The following GAREM1 variants were observed in gnomAD, a reference collection of about 807,000 sequenced individuals.
The protein encoded by GAREM1 is GRB2-associated and regulator of MAPK protein 1.
A neutral mutation model predicts 71.3 loss-of-function variants in GAREM1; 26 were observed. The ratio of observed to expected loss-of-function variants is 0.36; its 90% CI spans 0.27 to 0.51. The LOEUF is 0.51. GAREM1 is among the 20% of genes least tolerant of loss of function. GAREM1 has a pLI of 0.95. For synonymous variants in GAREM1, 440 were observed against 433.2 expected, an observed-to-expected ratio of 1.02 and a Z score of -0.20; for missense variants, 1,026 against 1,103.1, an observed-to-expected ratio of 0.93 and a Z score of 0.99.
rs951325399 is a variant in GAREM1, at chr18:32,265,796, A to T, written c.*2075T>A. 21 of 152,214 alleles carry T rather than the reference A, an allele frequency of 1.4e-4. No individual in the cohort carries two copies. The highest frequency in any genetic ancestry group is 1.4e-3 in the Admixed American group (21 of 15,274). The allele number at this position is 152,214 out of a possible 1,614,324, so 9.4% of individuals were successfully genotyped here. ...CTGTTCCTTCTTCCTGAGTTTGAGA[A>T]TTGTGTCCGAGTGCTAAGTATTTTA... On this transcript the variant is annotated 3_prime_UTR_variant, in exon 6 of 6. Coordinates refer to ENST00000269209, the MANE Select transcript of GAREM1 (RefSeq NM_001242409.2).
intron 5 of GAREM1, among the ~76,000 whole-genome samples, chr18:32,269,490 A>G (rs887786895): frequency 6.6e-6 from 1 of 152,184 alleles, no homozygotes; most frequent in Non-Finnish European, 1.5e-5. Context: ...TCGGGGAAAC[A>G]GTAGAGGGAC....
At chr18:32,336,885 GA>G (rs971523324) in intron 2 of GAREM1, among the ~76,000 whole-genome samples, 3 of 152,280 alleles carry the variant, frequency 2.0e-5, no homozygotes, top group African/African-American at 7.2e-5. Context: ...TTACCTTCCT[GA>G]CTTCACAGGT....
chr18:32,288,156 G>A lies in GAREM1; in HGVS notation c.441C>T (p.Thr147=). Residue 147 remains threonine, a synonymous_variant, in exon 4 of 6, where the codon ACC becomes ACT. Coordinates refer to ENST00000269209, the MANE Select transcript of GAREM1 (RefSeq NM_001242409.2). The stretch of plus-strand genomic sequence containing the variant: ...GAGTGAGTTCATCCCCAGTACACAG[G>A]GTGATGTTGTAAACTTCAGTGTCTT... The part of the protein sequence containing the change: ...CNEDTEVYNI[T]LCTGDELTLM... 6.2e-7 allele frequency: 1 copy of A among 1,613,430 alleles called. No individual in the cohort carries two copies.
intron 1 of GAREM1, among the ~76,000 whole-genome samples, chr18:32,458,692 C>T (rs2048921282): frequency 6.6e-6 from 1 of 151,536 alleles, no homozygotes; most frequent in Admixed American, 6.6e-5. Flanking sequence ...TCAGGAAATT[C>T]ACAAACAAAA....
rs2047302953 is a variant in GAREM1 at position 32,310,180 on chromosome 18, C to T, written c.393+13G>A. The T allele has an allele frequency of 6.2e-7, 1 of 1,613,174 alleles. No individual in the cohort carries two copies. The highest frequency in any genetic ancestry group is 8.5e-7 in the Non-Finnish European group (1 of 1,179,704). ...TAGTGAGTATAAATATTTGGTGCTT[C>T]AAGAGCTACTACCTTCACGTTGAAT... On this transcript the variant is annotated intron_variant, in intron 3 of 5. Transcript: ENST00000269209.
chr18:32,295,737 G>A (rs1262357768), intron 3 of GAREM1, among the ~76,000 whole-genome samples: 1 of 152,192 alleles, frequency 6.6e-6, no homozygotes, highest in East Asian at 1.9e-4. Context: ...CTCCGTAGGA[G>A]ACATTGTAAG....
chr18:32,389,897 G>T (rs2048179919), intron 2 of GAREM1, among the ~76,000 whole-genome samples: 1 of 152,154 alleles, frequency 6.6e-6, no homozygotes, highest in African/African-American at 2.4e-5. Context: ...CCCAGGCCAG[G>T]TATGATGGCT....
intron 2 of GAREM1, among the ~76,000 whole-genome samples, chr18:32,342,353 G>A (rs943256142): frequency 6.6e-6 from 1 of 152,028 alleles, no homozygotes; most frequent in Non-Finnish European, 1.5e-5. Flanking sequence ...CATCCTCCAC[G>A]CTGCTGCTGG....
At chr18:32,342,752 A>G (rs569980521) in intron 2 of GAREM1, among the ~76,000 whole-genome samples, 3 of 152,330 alleles carry the variant, frequency 2.0e-5, no homozygotes, top group Admixed American at 6.5e-5. Flanking sequence ...TACTATACAC[A>G]TCCAAATGTC....
At chr18:32,309,636 AAAAAAAAG>A (rs2047293799) in intron 3 of GAREM1, among the ~76,000 whole-genome samples, 1 of 150,098 alleles carries the variant, frequency 6.7e-6, no homozygotes, top group Non-Finnish European at 1.5e-5. Flanking sequence ...AAAAAAAAAA[AAAAAAAAG>A]AATGCAGAAC....
chr18:32,307,771 C>T (rs1028307873), intron 3 of GAREM1, among the ~76,000 whole-genome samples: 20 of 152,170 alleles, frequency 1.3e-4, no homozygotes, highest in African/African-American at 4.8e-4. Context: ...GATCCACCTG[C>T]CTCAGCCTCC....
chr18:32,458,612 A>G (rs984968133), intron 1 of GAREM1, among the ~76,000 whole-genome samples: 14 of 152,004 alleles, frequency 9.2e-5, no homozygotes, highest in Admixed American at 3.9e-4. Flanking sequence ...AACTAAGAGA[A>G]ATGTACAGGA....
intron 2 of GAREM1, among the ~76,000 whole-genome samples, chr18:32,339,323 C>T (rs547454980): frequency 2.0e-5 from 3 of 152,308 alleles, no homozygotes; most frequent in Admixed American, 6.5e-5. Flanking sequence ...GGAAGAAGCA[C>T]ACCTACCATG....
intron 2 of GAREM1, among the ~76,000 whole-genome samples, chr18:32,364,293 C>T (rs1289213138): frequency 6.6e-6 from 1 of 151,368 alleles, no homozygotes; most frequent in Non-Finnish European, 1.5e-5. Flanking sequence ...CCTCAGCCTC[C>T]CAAAGTGCTG....
At chr18:32,458,425 A>G (rs2048918468) in intron 1 of GAREM1, among the ~76,000 whole-genome samples, 1 of 152,120 alleles carries the variant, frequency 6.6e-6, no homozygotes, top group African/African-American at 2.4e-5. Flanking sequence ...TGAACATATC[A>G]TATCTAAATC....
chr18:32,457,170 T>G (rs1048481563), intron 1 of GAREM1, among the ~76,000 whole-genome samples: 1 of 62,522 alleles, frequency 1.6e-5, no homozygotes, highest in Admixed American at 2.3e-4. Context: ...AAATTGTGTG[T>G]GGGGGGTGGG....
rs371742962 is a variant in GAREM1 at position 32,418,233 on chromosome 18, C to G, written c.122-25198G>C. ...AATAGAGCAACCCGTGTTCTTTTCC[C>G]CCTTGTGAGATAGTCAAAATTAGCG... is the stretch of plus-strand genomic sequence containing the variant. On this transcript the variant is annotated intron_variant, in intron 1 of 5. Transcript: ENST00000269209. Among the ~76,000 whole-genome samples the G allele has an allele frequency of 1.4e-4, 22 of 152,180 alleles. No individual in the cohort carries two copies. The East Asian group carries it at 3.9e-3, about 27-fold the overall frequency.
intron 2 of GAREM1, among the ~76,000 whole-genome samples, chr18:32,346,508 G>A (rs2047698196): frequency 6.6e-6 from 1 of 152,108 alleles, no homozygotes; most frequent in African/African-American, 2.4e-5. Flanking sequence ...ATTTTAAAAA[G>A]GTGACCAAGC....
chr18:32,381,615 T>C (rs2144642354), intron 2 of GAREM1, among the ~76,000 whole-genome samples: 1 of 152,308 alleles, frequency 6.6e-6, no homozygotes, highest in East Asian at 1.9e-4. Flanking sequence ...TAACTAGTTC[T>C]TCTACCTGCA....
Sources: gnomAD v4.1 joint callset for allele counts (sites outside exome capture counted in the v4.1 genomes callset) on GRCh38, gnomAD v4.1.1 for gene constraint, MANE v1.5 for transcripts, NCBI Gene and HGNC (gene_info 2026-07-23, HGNC 2026-07-21) for gene names.